Variants in EML1 observed in about 807,000 individuals in gnomAD.
The protein encoded by EML1 is EMAP like 1.
In EML1, 27 loss-of-function variants were observed where a neutral mutation model predicts 110.4. The ratio of observed to expected loss-of-function variants is 0.24; its 90% CI spans 0.18 to 0.34. The LOEUF is 0.34. EML1 is among the 10% of genes least tolerant of loss of function. The pLI is 1.00. For synonymous variants in EML1, 344 were observed against 385.8 expected (o/e 0.89, Z 1.27); for missense variants, 741 against 1,030.9 (o/e 0.72, Z 3.85).
chr14:99,919,059 C>A (rs2060082506), intron 16 of EML1, among the ~76,000 whole-genome samples: 1 of 152,308 alleles, frequency 6.6e-6, no homozygotes, highest in South Asian at 2.1e-4. Context: ...ATATTCCCTG[C>A]CTGGCTGTGT....
At chr14:99,751,189 G>A (rs2057170842) in intron 1 of EML1, among the ~76,000 whole-genome samples, 1 of 152,064 alleles carries the variant, frequency 6.6e-6, no homozygotes, top group Non-Finnish European at 1.5e-5. Flanking sequence ...GCCTCCAGGA[G>A]CTCACAGCAG....
At chr14:99,751,448 G>A (rs1394077960) in intron 1 of EML1, among the ~76,000 whole-genome samples, 1 of 152,210 alleles carries the variant, frequency 6.6e-6, no homozygotes, top group Non-Finnish European at 1.5e-5. Context: ...TGCAGACAAA[G>A]ATGACAGTAT....
At chr14:99,801,476 G>A (rs942129555) in intron 1 of EML1, among the ~76,000 whole-genome samples, 2 of 151,938 alleles carry the variant, frequency 1.3e-5, no homozygotes, top group Non-Finnish European at 1.5e-5. Context: ...TTAGCCGGGC[G>A]TGGTGGCGGG....
intron 1 of EML1, among the ~76,000 whole-genome samples, chr14:99,833,181 A>C (rs373334466): frequency 8.3e-4 from 127 of 152,256 alleles, no homozygotes; most frequent in African/African-American, 3.0e-3. Flanking sequence ...TAATTTTTGC[A>C]TATGGTGCAA....
At chr14:99,914,948 A>C in intron 15 of EML1, 1 of 498,464 alleles carries the variant, frequency 2.0e-6, no homozygotes, top group Non-Finnish European at 3.5e-6. Context: ...TTCTGAGTTC[A>C]TTGTCAGATT....
At chr14:99,806,247 C>T (rs1276696205) in intron 1 of EML1, among the ~76,000 whole-genome samples, 1 of 151,688 alleles carries the variant, frequency 6.6e-6, no homozygotes, top group African/African-American at 2.4e-5. Flanking sequence ...CACCGGATCA[C>T]ACCCACGTGC....
intron 17 of EML1, among the ~76,000 whole-genome samples, chr14:99,922,606 G>A (rs933293918): frequency 2.0e-5 from 3 of 151,926 alleles, no homozygotes; most frequent in South Asian, 2.1e-4. Flanking sequence ...TTACATTCTC[G>A]TCAGCCATGT....
At chr14:99,920,698 T>C in intron 16 of EML1, 91 bp from the exon 17 acceptor site, 1 of 1,025,118 alleles carries the variant, frequency 9.8e-7, no homozygotes, top group Admixed American at 2.7e-5. Flanking sequence ...ATTAAGCTTT[T>C]ATGATTAACA....
intron 2 of EML1, among the ~76,000 whole-genome samples, chr14:99,854,565 CT>C (rs2058869456): frequency 6.6e-6 from 1 of 152,162 alleles, no homozygotes; most frequent in South Asian, 2.1e-4. Context: ...GGATACTGCT[CT>C]GGGTCTTAGG....
Position 99,901,128 on chromosome 14 carries a change from G to A in EML1, c.1008+89G>A, listed in dbSNP as rs570732692. The stretch of plus-strand genomic sequence containing the variant: ...TTGAAGAGGGGGAGTTGACACACTC[G>A]ATACCTGCCTGGGTGTATGTACAGA... On this transcript the variant is annotated intron_variant, in intron 9 of 21. Transcript: ENST00000262233. 14 of 1,085,742 alleles carry A rather than the reference G, an allele frequency of 1.3e-5. No individual in the cohort carries two copies. In the East Asian group the frequency reaches 2.6e-4, roughly 20 times the overall value. 67.3% of individuals were successfully genotyped at this position (1,085,742 alleles called of 1,614,324 possible). A position where few individuals can be genotyped will look rare whatever the true frequency, so the allele number is the denominator to read the frequency against.
intron 1 of EML1, among the ~76,000 whole-genome samples, chr14:99,754,514 C>T (rs945009471): frequency 4.6e-5 from 7 of 152,250 alleles, no homozygotes; most frequent in African/African-American, 7.2e-5. Context: ...ACGGACCTCC[C>T]AGGACCCACT....
chr14:99,745,741 CTCATT>C (rs2057100691), intron 1 of EML1, among the ~76,000 whole-genome samples: 1 of 152,222 alleles, frequency 6.6e-6, no homozygotes, highest in African/African-American at 2.4e-5. Context: ...GGAATCCTGC[CTCATT>C]TATTTTGGGT....
At chr14:99,817,955 G>A (rs2058197618) in intron 1 of EML1, among the ~76,000 whole-genome samples, 1 of 152,158 alleles carries the variant, frequency 6.6e-6, no homozygotes, top group African/African-American at 2.4e-5. Flanking sequence ...ACTGAGCTGA[G>A]TTTGGAAGGG....
In EML1 at chr14:99,909,476, C is replaced by A; in HGVS notation, c.1236C>A (p.Phe412Leu). The part of the protein sequence containing the change: ...GSSLNKKQGL[F>L]EKQEKPKFVL... ...CCCTTAATAAGAAGCAAGGATTATTCGAGGTAAAGTTAAATTATGATTTTT... is the reference window on the plus strand; with the variant it reads ...CCCTTAATAAGAAGCAAGGATTATTAGAGGTAAAGTTAAATTATGATTTTT... Residue 412 changes from phenylalanine to leucine, a missense_variant, in exon 11 of 22, where the codon TTC (phenylalanine) becomes TTA (leucine). This residue lies in a region of EML1 where 388 missense variants were observed against 605.6 expected (regional missense o/e 0.64). Transcript: ENST00000262233. The A allele has an allele frequency of 6.2e-7, 1 of 1,614,018 alleles. No individual in the cohort carries two copies.
At chr14:99,858,185 C>CTT (rs780232044) in intron 2 of EML1, among the ~76,000 whole-genome samples, 7 of 134,988 alleles carry the variant, frequency 5.2e-5, no homozygotes, top group East Asian at 2.1e-4. Context: ...CTCCTCATTC[C>CTT]TTTTTTTTTT....
intron 1 of EML1, among the ~76,000 whole-genome samples, chr14:99,785,760 C>T (rs1361117575): frequency 1.3e-5 from 2 of 151,984 alleles, no homozygotes; most frequent in African/African-American, 2.4e-5. Context: ...TACAAAGCAA[C>T]GGAGAGGCTC....
At chr14:99,801,294 A>G (rs188664411) in intron 1 of EML1, among the ~76,000 whole-genome samples, 9 of 152,296 alleles carry the variant, frequency 5.9e-5, no homozygotes, top group Non-Finnish European at 1.3e-4. Context: ...CATGTCAAAA[A>G]TGTAGTCTCC....
intron 17 of EML1, among the ~76,000 whole-genome samples, chr14:99,922,266 C>A (rs1477312283): frequency 6.6e-6 from 1 of 151,994 alleles, no homozygotes; most frequent in Non-Finnish European, 1.5e-5. Context: ...CAGGTGCATG[C>A]CACCACACCT....
chr14:99,914,790 G>T (rs1237397124), intron 15 of EML1, 93 bp downstream of exon 15: 2 of 1,467,512 alleles, frequency 1.4e-6, no homozygotes, highest in Non-Finnish European at 1.8e-6. Context: ...GTGATACAAA[G>T]TTGTCCCAAA....
Sources: gnomAD v4.1 joint callset for allele counts (sites outside exome capture counted in the v4.1 genomes callset) on GRCh38, gnomAD v4.1.1 for gene constraint, gnomAD v4.1.1 regional missense constraint, MANE v1.5 for transcripts, NCBI Gene and HGNC (gene_info 2026-07-23, HGNC 2026-07-21) for gene names.